ACER3: variants seen among roughly 807,000 people sequenced by gnomAD.
ACER3 encodes the protein alkaline ceramidase 3.
In ACER3, 16 loss-of-function variants were observed where a neutral mutation model predicts 48.9. The observed-to-expected ratio is 0.33, with a 90% confidence interval of 0.22 to 0.50. The LOEUF is 0.50. ACER3 is among the 20% of genes least tolerant of loss of function. The probability of loss-of-function intolerance (pLI) is 0.98; values close to 1 mark genes in which losing one functional copy is unlikely to be tolerated. For missense variants in ACER3, 227 were observed against 326.0 expected, an observed-to-expected ratio of 0.70 and a Z score of 2.34; for synonymous variants, 109 against 107.8, an observed-to-expected ratio of 1.01 and a Z score of -0.07.
chr11:76,912,767 G>A (rs75668326), intron 1 of ACER3, among the ~76,000 whole-genome samples: 2,964 of 152,118 alleles, frequency 0.019, 86 homozygotes, highest in African/African-American at 0.067. Flanking sequence ...AGGCAATTGA[G>A]GAAATTTTTA....
At chr11:76,901,844 C>T (rs1158071892) in intron 1 of ACER3, among the ~76,000 whole-genome samples, 2 of 152,142 alleles carry the variant, frequency 1.3e-5, no homozygotes, top group Admixed American at 1.3e-4. Context: ...CTTTAACTAC[C>T]AGGCCCAGGG....
intron 2 of ACER3, among the ~76,000 whole-genome samples, chr11:76,930,524 C>T (rs1946968449): frequency 6.6e-6 from 1 of 151,910 alleles, no homozygotes; most frequent in Non-Finnish European, 1.5e-5. Flanking sequence ...AATGTGTTTG[C>T]TCTTGCTTCT....
At chr11:76,950,199 G>A (rs1947605264) in intron 2 of ACER3, among the ~76,000 whole-genome samples, 1 of 151,340 alleles carries the variant, frequency 6.6e-6, no homozygotes, top group Admixed American at 6.6e-5. Flanking sequence ...TGCCTTAGAA[G>A]TCAAGAGGGA....
At chr11:76,876,240 A>G (rs1309275803) in intron 1 of ACER3, among the ~76,000 whole-genome samples, 4 of 148,878 alleles carry the variant, frequency 2.7e-5, no homozygotes, top group Admixed American at 2.7e-4. Context: ...CCTCCATCTT[A>G]CCCCTTCTTT....
chr11:77,003,509 C>A (rs1949076102), intron 7 of ACER3, among the ~76,000 whole-genome samples: 1 of 152,044 alleles, frequency 6.6e-6, no homozygotes, highest in African/African-American at 2.4e-5. Context: ...TTTTAAAAAC[C>A]AGACTTTTGT....
At chr11:76,915,291 C>A (rs1409751917) in intron 1 of ACER3, among the ~76,000 whole-genome samples, 2 of 151,922 alleles carry the variant, frequency 1.3e-5, no homozygotes, top group East Asian at 3.9e-4. Flanking sequence ...TATGGGCTCG[C>A]CTCTTTCCCA....
intron 4 of ACER3, among the ~76,000 whole-genome samples, chr11:76,983,251 A>C (rs1222302908): frequency 1.3e-5 from 2 of 152,190 alleles, no homozygotes; most frequent in Non-Finnish European, 2.9e-5. Context: ...TTGTGATTTT[A>C]AGTGAATTGA....
At chr11:76,888,778 A>G (rs1193177293) in intron 1 of ACER3, among the ~76,000 whole-genome samples, 1 of 152,158 alleles carries the variant, frequency 6.6e-6, no homozygotes, top group African/African-American at 2.4e-5. Flanking sequence ...TCACATACAC[A>G]TGATCATGTA....
chr11:76,917,921 TC>T (rs1232301536), intron 1 of ACER3, among the ~76,000 whole-genome samples: 5 of 151,352 alleles, frequency 3.3e-5, no homozygotes, highest in Non-Finnish European at 5.9e-5. Context: ...GTAATAAAAA[TC>T]CCACATTCCT....
Position 77,021,368 on chromosome 11 carries a change from G to T in ACER3, c.*1041G>T, listed in dbSNP as rs895522141. ...CCTTAATTTTCTGAAGGAAATAGATGTAAGTTTCTGCTACTTGAAACCTAC... is the reference window on the plus strand; with the variant it reads ...CCTTAATTTTCTGAAGGAAATAGATTTAAGTTTCTGCTACTTGAAACCTAC... On this transcript the variant is annotated 3_prime_UTR_variant, in exon 11 of 11. Coordinates refer to ENST00000532485, the MANE Select transcript of ACER3 (RefSeq NM_018367.7). The T allele has an allele frequency of 6.6e-6, 1 of 152,170 alleles. No homozygotes were observed. The allele number at this position is 152,170 out of a possible 1,614,324, so 9.4% of individuals were successfully genotyped here.
intron 6 of ACER3, chr11:76,994,185 G>A (rs1026587556): frequency 8.9e-6 from 4 of 451,600 alleles, no homozygotes; most frequent in Non-Finnish European, 1.8e-5. Context: ...CGGCTGAAGT[G>A]CAATGGCACA....
rs59654087 is a variant in ACER3 at position 76,872,911 on chromosome 11, C to CTT, written c.103+11849_103+11850dup. On this transcript the variant is annotated intron_variant, in intron 1 of 10. Transcript: ENST00000532485. ...CTTTCTTTCTTTCTTTTTTCTTTTTCTTTTTTTTTTTTTTTTTTGAGACAG... is the reference window on the plus strand; with the variant it reads ...CTTTCTTTCTTTCTTTTTTCTTTTTCTTTTTTTTTTTTTTTTTTTTGAGACAG... Among the ~76,000 whole-genome samples the CTT allele has an allele frequency of 4.4e-4, 30 of 68,738 alleles. 3 individuals are homozygous for CTT. Among genetic ancestry groups the CTT allele is most frequent in the African/African-American group, 8.0e-4 (21 of 26,232 alleles). 45.1% of individuals were successfully genotyped at this position (68,738 alleles called of 152,430 possible).
chr11:76,953,086 A>G (rs1947728492), intron 2 of ACER3, among the ~76,000 whole-genome samples: 1 of 152,190 alleles, frequency 6.6e-6, no homozygotes, highest in Non-Finnish European at 1.5e-5. Context: ...GAGCAAAGGC[A>G]AAGCAGACTC....
chr11:76,914,381 G>A (rs11237010), intron 1 of ACER3, among the ~76,000 whole-genome samples: 15,119 of 152,108 alleles, frequency 0.099, 1,012 homozygotes, highest in East Asian at 0.35. Flanking sequence ...AAAAGTGGGC[G>A]AAGGATATGA....
At chr11:76,953,944 GTTCTTTTT>G (rs1228529067) in intron 2 of ACER3, among the ~76,000 whole-genome samples, 1 of 121,340 alleles carries the variant, frequency 8.2e-6, no homozygotes, top group African/African-American at 3.1e-5. Flanking sequence ...CGCTTTAAAA[GTTCTTTTT>G]TTTTTTTTTT....
intron 1 of ACER3, among the ~76,000 whole-genome samples, chr11:76,891,366 C>T (rs1191746826): frequency 1.3e-5 from 2 of 151,876 alleles, no homozygotes; most frequent in East Asian, 3.9e-4. Flanking sequence ...AGAATCAGGC[C>T]TCAGGAAACA....
intron 1 of ACER3, among the ~76,000 whole-genome samples, chr11:76,875,601 C>T (rs543819155): frequency 6.6e-6 from 1 of 151,924 alleles, no homozygotes; most frequent in African/African-American, 2.4e-5. Flanking sequence ...TTTTTTGATA[C>T]ATTTCGAAGT....
chr11:76,947,391 ATTAAG>A (rs1445882366), intron 2 of ACER3, among the ~76,000 whole-genome samples: 1 of 152,226 alleles, frequency 6.6e-6, no homozygotes, highest in African/African-American at 2.4e-5. Context: ...AGCAAGCTTA[ATTAAG>A]TTTAGTGTGA....
chr11:77,004,479 T>C (rs1417820647), intron 7 of ACER3, among the ~76,000 whole-genome samples: 2 of 152,228 alleles, frequency 1.3e-5, no homozygotes, highest in African/African-American at 2.4e-5. Flanking sequence ...TGATTCTCTA[T>C]CTAGTTGTTC....
Sources: allele counts gnomAD v4.1 joint callset (sites outside exome capture counted in the v4.1 genomes callset), GRCh38; gene constraint gnomAD v4.1.1; transcripts MANE v1.5; gene names NCBI Gene and HGNC (gene_info 2026-07-23, HGNC 2026-07-21).